Variants in CENPP observed in about 807,000 individuals in gnomAD.
CENPP encodes centromere protein P.
CENPP carries 24 observed loss-of-function variants against 35.6 expected under a neutral mutation model. The observed-to-expected ratio is 0.67, with a 90% confidence interval of 0.49 to 0.95. CENPP has a LOEUF of 0.95. Among genes scored for constraint, CENPP ranks in the 40% least tolerant of loss-of-function variants. The pLI is 0.00. For synonymous variants in CENPP, 120 were observed against 125.5 expected (o/e 0.96, Z 0.29); for missense variants, 332 against 345.3 (o/e 0.96, Z 0.31).
chr9:92,438,163 CT>C (rs1451393324), intron 5 of CENPP, among the ~76,000 whole-genome samples: 1 of 152,158 alleles, frequency 6.6e-6, no homozygotes, highest in Non-Finnish European at 1.5e-5. Context: ...AGTCTAAGAA[CT>C]CTTTGCCTCA....
intron 5 of CENPP, among the ~76,000 whole-genome samples, chr9:92,554,928 G>A (rs899641371): frequency 2.0e-5 from 3 of 152,114 alleles, no homozygotes; most frequent in South Asian, 4.1e-4. Context: ...GAGCCACTGC[G>A]CCTGGCCTTC....
intron 5 of CENPP, among the ~76,000 whole-genome samples, chr9:92,607,758 T>C (rs1851122440): frequency 6.6e-6 from 1 of 152,208 alleles, no homozygotes; most frequent in Non-Finnish European, 1.5e-5. Context: ...TGAAATATAA[T>C]ACAAGGTTGG....
chr9:92,376,885 A>G (rs1223890055), intron 4 of CENPP, among the ~76,000 whole-genome samples: 1 of 152,118 alleles, frequency 6.6e-6, no homozygotes, highest in East Asian at 1.9e-4. Context: ...TACTAAAAAT[A>G]CACAAAAAAA....
At chr9:92,578,446 T>C (rs1850339304) in intron 5 of CENPP, among the ~76,000 whole-genome samples, 1 of 151,662 alleles carries the variant, frequency 6.6e-6, no homozygotes, top group East Asian at 1.9e-4. Context: ...TTTCTCCACA[T>C]CCTCTCCAGC....
At chr9:92,440,337 T>A (rs899966517) in intron 5 of CENPP, among the ~76,000 whole-genome samples, 3 of 142,436 alleles carry the variant, frequency 2.1e-5, no homozygotes, top group African/African-American at 8.0e-5. Context: ...TAGTGATAGC[T>A]GATGAGTTAA....
chr9:92,496,065 C>A, intron 5 of CENPP: 1 of 1,100,882 alleles, frequency 9.1e-7, no homozygotes, highest in Non-Finnish European at 1.1e-6. Context: ...GCATAATATC[C>A]TATTCTAGTG....
chr9:92,521,260 A>G lies in CENPP; in HGVS notation c.565-90054A>G, dbSNP rs16908430. ...TTTTTTTAAACAAGTTTGAGATCACATTATGAATACTTCTTTTTCAGCCTT... is the reference window on the plus strand; with the variant it reads ...TTTTTTTAAACAAGTTTGAGATCACGTTATGAATACTTCTTTTTCAGCCTT... On this transcript the variant is annotated intron_variant, in intron 5 of 7. Transcript: ENST00000375587. 4.7e-3 allele frequency among the ~76,000 whole-genome samples: 719 copies of G among 152,344 alleles called. 4 individuals carry two copies. The highest frequency in any genetic ancestry group is 0.015 in the African/African-American group (617 of 41,570).
chr9:92,368,518 A>G (rs1377521880), intron 4 of CENPP, among the ~76,000 whole-genome samples: 1 of 152,202 alleles, frequency 6.6e-6, no homozygotes, highest in Non-Finnish European at 1.5e-5. Flanking sequence ...TAAAAATATA[A>G]CTATAGCTGC....
intron 5 of CENPP, among the ~76,000 whole-genome samples, chr9:92,552,905 C>A (rs543639978): frequency 6.6e-6 from 1 of 152,066 alleles, no homozygotes; most frequent in South Asian, 2.1e-4. Context: ...TCATGAAATC[C>A]TTGCCTAGGC....
intron 5 of CENPP, among the ~76,000 whole-genome samples, chr9:92,549,440 A>G (rs768285974): frequency 3.8e-4 from 58 of 152,118 alleles, no homozygotes; most frequent in Non-Finnish European, 6.6e-4. Flanking sequence ...TGAGGTTAGG[A>G]GTTCGAGACC....
At chr9:92,390,424 A>AT (rs1842623621) in intron 5 of CENPP, among the ~76,000 whole-genome samples, 2 of 151,914 alleles carry the variant, frequency 1.3e-5, no homozygotes, top group Admixed American at 6.6e-5. Context: ...AATTTTTTTT[A>AT]TTTTTTTGCT....
Position 92,475,110 on chromosome 9 carries a change from C to T in CENPP, c.564+95251C>T, listed in dbSNP as rs80089545. ...TGCATTGGGAACTCTAAAAATATCT[C>T]TTTTTCAGATAGTAATTCTACTTTT... On this transcript the variant is annotated intron_variant, in intron 5 of 7. Transcript: ENST00000375587. Among the ~76,000 whole-genome samples the T allele has an allele frequency of 4.8e-3, 731 of 152,196 alleles. 4 individuals carry two copies. Among genetic ancestry groups the T allele is most frequent in the African/African-American group, 0.015 (630 of 41,524 alleles).
At chr9:92,600,542 C>T (rs1364897863) in intron 5 of CENPP, 2 of 1,612,424 alleles carry the variant, frequency 1.2e-6, no homozygotes, top group Non-Finnish European at 8.5e-7. Context: ...CCCACTGGGG[C>T]TGGGGCACAT....
intron 5 of CENPP, among the ~76,000 whole-genome samples, chr9:92,460,787 C>T (rs928077929): frequency 2.6e-5 from 4 of 152,124 alleles, no homozygotes; most frequent in African/African-American, 4.8e-5. Context: ...AGCAGTTCTT[C>T]GGCCTCAGCC....
intron 5 of CENPP, among the ~76,000 whole-genome samples, chr9:92,460,220 G>T (rs1448436781): frequency 3.3e-5 from 5 of 151,980 alleles, no homozygotes; most frequent in African/African-American, 1.2e-4. Flanking sequence ...TTTTTTAGTA[G>T]AGATGGGGTT....
chr9:92,415,099 A>G, intron 5 of CENPP: 1 of 1,300,550 alleles, frequency 7.7e-7, no homozygotes, highest in Non-Finnish European at 1.1e-6. Context: ...TAGATTTACT[A>G]TATTAAGTAT....
At chr9:92,550,671 A>C (rs1849569110) in intron 5 of CENPP, among the ~76,000 whole-genome samples, 1 of 152,174 alleles carries the variant, frequency 6.6e-6, no homozygotes, top group Non-Finnish European at 1.5e-5. Flanking sequence ...GCAAGAGTAC[A>C]AATGAAGTTT....
intron 5 of CENPP, among the ~76,000 whole-genome samples, chr9:92,492,282 AAAAC>A (rs946569608): frequency 8.5e-5 from 13 of 152,332 alleles, no homozygotes; most frequent in African/African-American, 3.1e-4. Flanking sequence ...AAATAATCTT[AAAAC>A]AAACATTGTC....
At chr9:92,563,323 G>C (rs1025556815) in intron 5 of CENPP, among the ~76,000 whole-genome samples, 1 of 152,080 alleles carries the variant, frequency 6.6e-6, no homozygotes, top group Non-Finnish European at 1.5e-5. Flanking sequence ...ATTTCTCTCT[G>C]CTTTACGTTA....
Sources: gnomAD v4.1 joint callset for allele counts (sites outside exome capture counted in the v4.1 genomes callset) on GRCh38, gnomAD v4.1.1 for gene constraint, MANE v1.5 for transcripts, NCBI Gene and HGNC (gene_info 2026-07-23, HGNC 2026-07-21) for gene names.